Variants in ENPP3 observed in about 807,000 individuals in gnomAD.
The protein encoded by ENPP3 is ectonucleotide pyrophosphatase/phosphodiesterase 3, also known as ectonucleotide pyrophosphatase/phosphodiesterase family member 3.
Under a neutral mutation model 117.8 loss-of-function variants are expected in ENPP3, and 104 were observed. That is an observed-to-expected ratio of 0.88 (90% CI 0.75 to 1.04). ENPP3 has a LOEUF of 1.04. ENPP3 is among the 50% of genes least tolerant of loss of function. The pLI, the probability that ENPP3 is intolerant of heterozygous loss-of-function variation, is 0.00. For missense variants in ENPP3, 1,026 were observed against 1,051.9 expected (o/e 0.98, Z 0.34); for synonymous variants, 380 against 349.9 (o/e 1.09, Z -0.96).
In ENPP3 at chr6:131,747,065, A is replaced by T; in HGVS notation, c.*109A>T. ...AAATAAAGTTTTCTATTTTTCCTTAAGTCCCCTAAAAGCCATAATTTTTAT... is the reference window on the plus strand; with the variant it reads ...AAATAAAGTTTTCTATTTTTCCTTATGTCCCCTAAAAGCCATAATTTTTAT... On this transcript the variant is annotated 3_prime_UTR_variant, in exon 25 of 25. Coordinates refer to ENST00000357639, the MANE Select transcript of ENPP3 (RefSeq NM_005021.5). The T allele has an allele frequency of 1.8e-6, 1 of 540,856 alleles. No individual in the cohort carries two copies. The highest frequency in any genetic ancestry group is 4.4e-5 in the South Asian group (1 of 22,802). 33.5% of individuals were successfully genotyped at this position (540,856 alleles called of 1,614,324 possible).
At chr6:131,672,725 C>T (rs989773434) in intron 7 of ENPP3, among the ~76,000 whole-genome samples, 2 of 151,162 alleles carry the variant, frequency 1.3e-5, no homozygotes, top group South Asian at 4.2e-4. Flanking sequence ...GGATTATGCA[C>T]AAATGCAATT....
chr6:131,651,908 G>A (rs984696209), intron 3 of ENPP3, among the ~76,000 whole-genome samples: 3 of 152,174 alleles, frequency 2.0e-5, no homozygotes, highest in Admixed American at 1.3e-4. Context: ...CTAAGCACAA[G>A]GCTAACATTG....
rs577903452 is a variant in ENPP3, at chr6:131,735,273, C to T, written c.2089+1550C>T. 1.5e-4 allele frequency among the ~76,000 whole-genome samples: 23 copies of T among 152,190 alleles called. 1 individual carries two copies. The highest frequency in any genetic ancestry group is 5.1e-4 in the African/African-American group (21 of 41,536). On this transcript the variant is annotated intron_variant, in intron 21 of 24. Coordinates refer to ENST00000357639, the MANE Select transcript of ENPP3 (RefSeq NM_005021.5). ...AAAAATAGAAGTTCTATTACTAGCA[C>T]GTTCTTATTTTCCTCTAAAACAGAG...
chr6:131,720,524 A>G, intron 17 of ENPP3, 145 bp downstream of exon 17: 1 of 494,964 alleles, frequency 2.0e-6, no homozygotes. Context: ...AGAATTATTC[A>G]TTATTCAGAA....
rs777549399 is a variant in ENPP3, at chr6:131,675,146, G to T, written c.829G>T (p.Ala277Ser). The change falls in exon 9 of 25, where the codon GCT (alanine) becomes TCT (serine). Residue 277 changes from alanine (A) to serine (S), a missense_variant. Ala to Ser is a moderately conservative substitution (Grantham distance 99). Coordinates refer to ENST00000357639, the MANE Select transcript of ENPP3 (RefSeq NM_005021.5). ...ATYFWPGSEVAINGSFPSIYM... is the reference protein window; with the variant it reads ...ATYFWPGSEVSINGSFPSIYM... ...CTACTTTTGGCCCGGATCAGAAGTGGCTATAAATGGCTCCTTTCCTTCCAT... is the reference window on the plus strand; with the variant it reads ...CTACTTTTGGCCCGGATCAGAAGTGTCTATAAATGGCTCCTTTCCTTCCAT... 2 of 1,613,302 alleles carry T rather than the reference G, an allele frequency of 1.2e-6. No individual in the cohort carries two copies. The highest frequency in any genetic ancestry group is 2.7e-5 in the African/African-American group (2 of 74,882).
intron 14 of ENPP3, among the ~76,000 whole-genome samples, chr6:131,687,829 A>G (rs1285531516): frequency 2.6e-5 from 4 of 152,218 alleles, no homozygotes; most frequent in Admixed American, 1.3e-4. Context: ...TTTAAAATAT[A>G]TTCACAAATA....
intron 15 of ENPP3, chr6:131,710,986 T>G: frequency 6.3e-7 from 1 of 1,576,518 alleles, no homozygotes; most frequent in Non-Finnish European, 8.5e-7. Context: ...CAGCCCCAGG[T>G]AGGGCTGAGG....
intron 18 of ENPP3, 23 bp from the exon 19 acceptor site, chr6:131,724,017 T>TC: frequency 6.3e-7 from 1 of 1,591,140 alleles, no homozygotes. Flanking sequence ...TCCTCCCCTT[T>TC]CCCATCCCTC....
intron 15 of ENPP3, among the ~76,000 whole-genome samples, chr6:131,711,949 G>C (rs1392719694): frequency 2.3e-5 from 3 of 130,132 alleles, no homozygotes; most frequent in Non-Finnish European, 4.5e-5. Context: ...CAAATTTGTA[G>C]TATAATGGTC....
intron 19 of ENPP3, 55 bp downstream of exon 19, chr6:131,724,146 A>C: frequency 4.0e-6 from 5 of 1,248,478 alleles, no homozygotes; most frequent in Non-Finnish European, 3.5e-6. Flanking sequence ...ACAAAACACA[A>C]TGTGGCCCTT....
chr6:131,638,859 C>G (rs866500207), intron 1 of ENPP3, among the ~76,000 whole-genome samples: 2 of 151,556 alleles, frequency 1.3e-5, no homozygotes, highest in Non-Finnish European at 2.9e-5. Flanking sequence ...GACTGGGTCT[C>G]GCTATGTTGC....
intron 24 of ENPP3, among the ~76,000 whole-genome samples, chr6:131,741,180 A>C (rs1269851317): frequency 6.6e-6 from 1 of 152,208 alleles, no homozygotes; most frequent in Non-Finnish European, 1.5e-5. Context: ...CCTTATAGAA[A>C]AAATATGTAT....
chr6:131,719,614 T>A (rs1265777274), intron 16 of ENPP3, among the ~76,000 whole-genome samples: 3 of 152,160 alleles, frequency 2.0e-5, no homozygotes, highest in Non-Finnish European at 4.4e-5. Flanking sequence ...ATGCTTCCAA[T>A]TCTTTGATCA....
In ENPP3 at chr6:131,744,959, C is replaced by A. The variant is rs114630382; in HGVS notation, c.2458-1827C>A. ...TTCTGTTCAGATTAGTTGGTGCCAGCGACTTACTCAGGTTAAATAGCTGAA... is the reference window on the plus strand; with the variant it reads ...TTCTGTTCAGATTAGTTGGTGCCAGAGACTTACTCAGGTTAAATAGCTGAA... On this transcript the variant is annotated intron_variant, in intron 24 of 24. Coordinates refer to ENST00000357639, the MANE Select transcript of ENPP3 (RefSeq NM_005021.5). 7.0e-3 allele frequency among the ~76,000 whole-genome samples: 1,063 copies of A among 152,150 alleles called. 6 individuals carry two copies. Among genetic ancestry groups the A allele is most frequent in the African/African-American group, 0.024 (993 of 41,492 alleles).
At chr6:131,676,640 G>A in intron 9 of ENPP3, 96 bp from the exon 10 acceptor site, 1 of 783,326 alleles carries the variant, frequency 1.3e-6, no homozygotes, top group Non-Finnish European at 2.2e-6. Context: ...ACACAAAATG[G>A]GTAGCTGAAG....
intron 15 of ENPP3, among the ~76,000 whole-genome samples, 176 bp downstream of exon 15, chr6:131,693,800 G>A (rs17060551): frequency 0.05 from 7,538 of 152,180 alleles, 348 homozygotes; most frequent in African/African-American, 0.12. Context: ...TTATTAGATT[G>A]CTGATTTTAG....
intron 5 of ENPP3, among the ~76,000 whole-genome samples, chr6:131,654,109 T>TTTATTATTA (rs35379106): frequency 1.7e-3 from 250 of 143,294 alleles, no homozygotes; most frequent in East Asian, 5.6e-3. Flanking sequence ...AAATTTAAGT[T>TTTATTATTA]TTATTATTAT....
intron 11 of ENPP3, among the ~76,000 whole-genome samples, chr6:131,678,937 CTTTCTTTCTTTCTTTCTTTCT>C (rs1778938602): frequency 1.4e-4 from 12 of 88,094 alleles, no homozygotes; most frequent in African/African-American, 1.0e-3. Context: ...TTCTTTCTTT[CTTTCTTTCTTTCTTTCTTTCT>C]TTCCTTCCTT....
At chr6:131,685,255 G>A in intron 12 of ENPP3, 109 bp from the exon 13 acceptor site, 2 of 979,270 alleles carry the variant, frequency 2.0e-6, no homozygotes, top group Non-Finnish European at 3.1e-6. Flanking sequence ...TCTCAGTGAA[G>A]CTTAGTTTGA....
Sources: allele counts gnomAD v4.1 joint callset (sites outside exome capture counted in the v4.1 genomes callset), GRCh38; gene constraint gnomAD v4.1.1; transcripts MANE v1.5; gene names NCBI Gene and HGNC (gene_info 2026-07-23, HGNC 2026-07-21).